SNTG1: variants seen among roughly 807,000 people sequenced by gnomAD.
SNTG1 encodes the protein gamma-1-syntrophin.
In SNTG1, 39 loss-of-function variants were observed where a neutral mutation model predicts 74.7. The observed-to-expected ratio is 0.52, with a 90% CI of 0.40 to 0.68. The LOEUF (loss-of-function observed/expected upper bound fraction) is 0.68. Ranked by LOEUF, SNTG1 falls within the 30% of genes least tolerant of loss-of-function variation. The pLI is 0.00. For synonymous variants in SNTG1, 254 were observed against 217.1 expected, an observed-to-expected ratio of 1.17 and a Z score of -1.49; for missense variants, 685 against 609.5, an observed-to-expected ratio of 1.12 and a Z score of -1.30.
At chr8:50,566,912 A>G (rs1055603803) in intron 12 of SNTG1, among the ~76,000 whole-genome samples, 1 of 152,142 alleles carries the variant, frequency 6.6e-6, no homozygotes, top group Admixed American at 6.6e-5. Flanking sequence ...AAAGTGCTTT[A>G]AACATTCTGT....
rs112745670 is a variant in SNTG1, at chr8:50,030,833, G to A, written c.-103+118602G>A. ...TTTAGCTATTCTTAAATCATTGCCT[G>A]TCCATATATATTTTAGAATAATTCT... is the stretch of plus-strand genomic sequence containing the variant. On this transcript the variant is annotated intron_variant, in intron 1 of 18. Transcript: ENST00000642720. 5.6e-3 allele frequency among the ~76,000 whole-genome samples: 846 copies of A among 151,854 alleles called. 11 individuals carry two copies. The highest frequency in any genetic ancestry group is 6.6e-3 in the Non-Finnish European group (451 of 67,848).
At chr8:50,733,462 G>A (rs552975308) in intron 17 of SNTG1, among the ~76,000 whole-genome samples, 3 of 152,100 alleles carry the variant, frequency 2.0e-5, no homozygotes, top group South Asian at 2.1e-4. Context: ...TGGGATATCT[G>A]GGCTAAATGG....
At chr8:50,462,348 C>T (rs1394368776) in intron 8 of SNTG1, among the ~76,000 whole-genome samples, 2 of 149,996 alleles carry the variant, frequency 1.3e-5, no homozygotes, top group African/African-American at 4.9e-5. Context: ...AAGACACTAA[C>T]AATTATCTTA....
At chr8:50,502,688 T>C in intron 8 of SNTG1, 90 bp from the exon 9 acceptor site, 1 of 1,042,264 alleles carries the variant, frequency 9.6e-7, no homozygotes, top group Non-Finnish European at 1.4e-6. Context: ...AAATGGAAGG[T>C]GGAAGAAACA....
intron 1 of SNTG1, among the ~76,000 whole-genome samples, chr8:50,151,331 T>C (rs1485929338): frequency 1.3e-5 from 2 of 152,218 alleles, no homozygotes; most frequent in Admixed American, 1.3e-4. Flanking sequence ...GCTAGTGGTC[T>C]ATCAATTTTG....
At chr8:50,413,073 T>A (rs770058725) in intron 4 of SNTG1, among the ~76,000 whole-genome samples, 1 of 152,254 alleles carries the variant, frequency 6.6e-6, no homozygotes, top group Non-Finnish European at 1.5e-5. Flanking sequence ...CTGGTTCCAC[T>A]GGCTTATCAG....
intron 9 of SNTG1, among the ~76,000 whole-genome samples, chr8:50,510,863 C>A (rs1031594539): frequency 2.0e-5 from 3 of 152,066 alleles, no homozygotes; most frequent in East Asian, 1.9e-4. Flanking sequence ...TTTCAAAAAA[C>A]CAGCTCCTGG....
intron 13 of SNTG1, among the ~76,000 whole-genome samples, chr8:50,593,846 C>A (rs1022078327): frequency 3.3e-5 from 5 of 151,698 alleles, no homozygotes; most frequent in African/African-American, 1.2e-4. Context: ...GCCTCCCAAG[C>A]AGCTGGGATT....
intron 15 of SNTG1, among the ~76,000 whole-genome samples, chr8:50,701,635 T>G (rs1460730340): frequency 6.7e-6 from 1 of 149,888 alleles, no homozygotes; most frequent in Non-Finnish European, 1.5e-5. Flanking sequence ...CTCTTCCTCT[T>G]CTTCTTCCTC....
chr8:50,063,539 T>C (rs1563540199), intron 1 of SNTG1, among the ~76,000 whole-genome samples: 3 of 152,180 alleles, frequency 2.0e-5, no homozygotes, highest in Admixed American at 6.5e-5. Context: ...AATCAAAGCA[T>C]TGGCTTATCC....
intron 1 of SNTG1, among the ~76,000 whole-genome samples, chr8:49,980,188 G>A (rs774856751): frequency 6.6e-6 from 1 of 152,096 alleles, no homozygotes; most frequent in Non-Finnish European, 1.5e-5. Context: ...CTCCTCCAGC[G>A]CCTGGCAGCC....
chr8:50,272,747 T>C (rs2087851310), intron 2 of SNTG1, among the ~76,000 whole-genome samples: 2 of 152,098 alleles, frequency 1.3e-5, no homozygotes, highest in South Asian at 4.1e-4. Flanking sequence ...CTACACTTTC[T>C]TTTTTTATAG....
chr8:49,974,297 C>CT (rs1563417352), intron 1 of SNTG1, among the ~76,000 whole-genome samples: 19 of 152,046 alleles, frequency 1.2e-4, no homozygotes, highest in Non-Finnish European at 2.4e-4. Context: ...TGATGAGCGC[C>CT]AATACCTTCC....
intron 18 of SNTG1, among the ~76,000 whole-genome samples, chr8:50,777,190 A>G (rs2095643158): frequency 6.8e-6 from 1 of 147,346 alleles, no homozygotes. Flanking sequence ...TTTTGTCCTC[A>G]TTTTTTGGAC....
chr8:50,497,117 CAT>C lies in SNTG1; in HGVS notation c.364-5660_364-5659del, dbSNP rs751867246. Among the ~76,000 whole-genome samples, 210 of 151,962 alleles carry C rather than the reference CAT, an allele frequency of 1.4e-3. 1 individual carries two copies. The highest frequency in any genetic ancestry group is 3.9e-3 in the Admixed American group (59 of 15,256). ...TAAGTGACCTTATATTTTAAAAACT[CAT>C]TATCTCTTTAGGGTGAGATTTTATT... On this transcript the variant is annotated intron_variant, in intron 8 of 18. Coordinates refer to ENST00000642720, the MANE Select transcript of SNTG1 (RefSeq NM_018967.5).
chr8:50,035,887 C>T (rs1048313233), intron 1 of SNTG1, among the ~76,000 whole-genome samples: 3 of 152,092 alleles, frequency 2.0e-5, no homozygotes, highest in Non-Finnish European at 2.9e-5. Context: ...TGTCCAAGCA[C>T]AGACTGCACC....
chr8:50,042,062 A>T (rs2130821622), intron 1 of SNTG1, among the ~76,000 whole-genome samples: 1 of 152,258 alleles, frequency 6.6e-6, no homozygotes, highest in Admixed American at 6.5e-5. Context: ...AAGCTAAAAA[A>T]CTGTGAGTGA....
chr8:50,222,792 C>A (rs2085135957), intron 2 of SNTG1, among the ~76,000 whole-genome samples: 1 of 152,100 alleles, frequency 6.6e-6, no homozygotes, highest in South Asian at 2.1e-4. Flanking sequence ...TTTAGAATGG[C>A]CCGGGGAACT....
In SNTG1 at chr8:50,416,921, C is replaced by T. The variant is rs16914880; in HGVS notation, c.162+14577C>T. Among the ~76,000 whole-genome samples the T allele has an allele frequency of 5.6e-3, 845 of 152,144 alleles. 12 individuals carry two copies. Among genetic ancestry groups the T allele is most frequent in the African/African-American group, 0.019 (786 of 41,512 alleles). On this transcript the variant is annotated intron_variant, in intron 4 of 18. Coordinates refer to ENST00000642720, the MANE Select transcript of SNTG1 (RefSeq NM_018967.5). ...TAGCTTAACACCTGAGTGACTGTGA[C>T]GATGATTCACTGTCTTTGCTTCAAA...
Sources: allele counts gnomAD v4.1 joint callset (sites outside exome capture counted in the v4.1 genomes callset), GRCh38; gene constraint gnomAD v4.1.1; transcripts MANE v1.5; gene names NCBI Gene and HGNC (gene_info 2026-07-23, HGNC 2026-07-21).